Variants in WWOX observed in about 807,000 individuals in gnomAD.
WWOX encodes the protein WW domain containing oxidoreductase.
A neutral mutation model predicts 46.2 loss-of-function variants in WWOX; 69 were observed. The ratio of observed to expected loss-of-function variants is 1.49; its 90% CI spans 1.23 to 1.82. The LOEUF is 1.82. Ranked by LOEUF, WWOX falls within the 40% of genes most tolerant of loss-of-function variation. The probability of loss-of-function intolerance (pLI) is 0.00; values close to 1 mark genes in which losing one functional copy is unlikely to be tolerated. For synonymous variants in WWOX, 359 were observed against 202.6 expected (o/e 1.77, Z -6.56); for missense variants, 919 against 542.6 (o/e 1.69, Z -6.89).
intron 5 of WWOX, among the ~76,000 whole-genome samples, chr16:78,368,497 C>A (rs1487911209): frequency 1.3e-5 from 2 of 152,122 alleles, no homozygotes; most frequent in African/African-American, 4.8e-5. Context: ...CTGGGCCACC[C>A]CATAAGGCTG....
chr16:78,451,107 A>G (rs893982127), intron 8 of WWOX, among the ~76,000 whole-genome samples: 1 of 152,180 alleles, frequency 6.6e-6, no homozygotes, highest in African/African-American at 2.4e-5. Flanking sequence ...TCTCATTGCC[A>G]AGCTAAAGGC....
At chr16:78,875,917 T>G (rs2044225191) in intron 8 of WWOX, among the ~76,000 whole-genome samples, 1 of 152,218 alleles carries the variant, frequency 6.6e-6, no homozygotes, top group Admixed American at 6.5e-5. Flanking sequence ...CTGATACCAT[T>G]TAGCCTATTA....
At chr16:78,268,068 C>G (rs1257588621) in intron 5 of WWOX, among the ~76,000 whole-genome samples, 9 of 152,224 alleles carry the variant, frequency 5.9e-5, no homozygotes, top group Non-Finnish European at 1.2e-4. Flanking sequence ...ATCTGCCTGC[C>G]TTGTCATCCC....
chr16:78,195,821 C>CAAAAAAAAAAAAA (rs148609646), intron 5 of WWOX, among the ~76,000 whole-genome samples: 22 of 75,840 alleles, frequency 2.9e-4, no homozygotes, highest in East Asian at 3.9e-4. Context: ...GACTCTGCCT[C>CAAAAAAAAAAAAA]AAAAAAAAAA....
chr16:79,106,624 G>T (rs181712887), intron 8 of WWOX: 2 of 96,294 alleles, frequency 2.1e-5, no homozygotes, highest in African/African-American at 1.1e-4. Context: ...TTGGAGAACG[G>T]TCTGGTTCTG....
At chr16:79,174,624 G>A (rs1328897074) in intron 8 of WWOX, among the ~76,000 whole-genome samples, 1 of 152,160 alleles carries the variant, frequency 6.6e-6, no homozygotes, top group Non-Finnish European at 1.5e-5. Flanking sequence ...CTCCAGCCTG[G>A]GCAACAAGAG....
Position 78,131,375 on chromosome 16 carries a change from C to G in WWOX, c.409+16221C>G, listed in dbSNP as rs113126815. Reference sequence around the variant, plus strand: ...TACAGGCATGCACCACCATTCCTGGCTAATTTCTTTTGTATTTTTAATAGA... The same window carrying G: ...TACAGGCATGCACCACCATTCCTGGGTAATTTCTTTTGTATTTTTAATAGA... On this transcript the variant is annotated intron_variant, in intron 4 of 8. Coordinates refer to ENST00000566780, the MANE Select transcript of WWOX (RefSeq NM_016373.4). 8.5e-3 allele frequency among the ~76,000 whole-genome samples: 1,298 copies of G among 151,900 alleles called. 23 individuals carry two copies. The highest frequency in any genetic ancestry group is 0.03 in the African/African-American group (1,230 of 41,406).
intron 8 of WWOX, chr16:78,551,706 A>C (rs1258979661): frequency 2.8e-5 from 4 of 142,856 alleles, no homozygotes; most frequent in Admixed American, 7.3e-5. Context: ...AGGAGCGCTT[A>C]ACACCCCAGC....
chr16:78,412,503 T>A (rs770252080), intron 6 of WWOX, among the ~76,000 whole-genome samples: 1 of 151,886 alleles, frequency 6.6e-6, no homozygotes, highest in Non-Finnish European at 1.5e-5. Context: ...ATTTTAGAGA[T>A]GGAATGAAAA....
intron 1 of WWOX, among the ~76,000 whole-genome samples, chr16:78,104,231 A>AACACACACAC (rs376622174): frequency 0.025 from 3,224 of 130,168 alleles, 85 homozygotes; most frequent in African/African-American, 0.053. Flanking sequence ...CTGTGCTCAA[A>AACACACACAC]ACACACACAC....
intron 8 of WWOX, among the ~76,000 whole-genome samples, chr16:78,768,743 T>C (rs942129538): frequency 6.6e-6 from 1 of 152,212 alleles, no homozygotes; most frequent in African/African-American, 2.4e-5. Flanking sequence ...TGTTTTATGC[T>C]TTTGTGAAAT....
chr16:79,188,476 C>T (rs2051063960), intron 8 of WWOX, among the ~76,000 whole-genome samples: 1 of 152,152 alleles, frequency 6.6e-6, no homozygotes, highest in African/African-American at 2.4e-5. Context: ...ATGTCAGGAC[C>T]AGTAGGAGGT....
intron 8 of WWOX, among the ~76,000 whole-genome samples, chr16:78,650,261 C>T (rs1015593593): frequency 6.6e-6 from 1 of 152,162 alleles, no homozygotes; most frequent in Non-Finnish European, 1.5e-5. Context: ...TTCTTCAGGA[C>T]TTACTTTGAA....
chr16:78,829,490 ACT>A (rs1189137106), intron 8 of WWOX, among the ~76,000 whole-genome samples: 2 of 151,910 alleles, frequency 1.3e-5, no homozygotes, highest in Non-Finnish European at 2.9e-5. Context: ...ACAGACACAC[ACT>A]CAGAAATAAT....
At chr16:78,429,927 A>C (rs938446001) in intron 7 of WWOX, among the ~76,000 whole-genome samples, 1 of 152,198 alleles carries the variant, frequency 6.6e-6, no homozygotes, top group Admixed American at 6.5e-5. Context: ...CTCATAAAAA[A>C]GCCCACCATT....
intron 5 of WWOX, among the ~76,000 whole-genome samples, chr16:78,330,129 G>A (rs552193629): frequency 1.3e-5 from 2 of 152,158 alleles, no homozygotes; most frequent in East Asian, 1.9e-4. Flanking sequence ...ATACCTAAAT[G>A]CCTAAACGTT....
At chr16:79,119,849 C>A (rs1036138128) in intron 8 of WWOX, among the ~76,000 whole-genome samples, 3 of 152,206 alleles carry the variant, frequency 2.0e-5, no homozygotes, top group African/African-American at 7.2e-5. Flanking sequence ...AGCCAGCAAA[C>A]AAGACATAGG....
At chr16:78,465,309 A>C (rs1597123056) in intron 8 of WWOX, among the ~76,000 whole-genome samples, 1 of 152,284 alleles carries the variant, frequency 6.6e-6, no homozygotes, top group East Asian at 1.9e-4. Flanking sequence ...CTTCTTTACC[A>C]TTTCTGAATG....
At chr16:78,722,552 G>A (rs539474923) in intron 8 of WWOX, among the ~76,000 whole-genome samples, 38 of 152,210 alleles carry the variant, frequency 2.5e-4, no homozygotes, top group African/African-American at 7.5e-4. Context: ...AGTACAAAGC[G>A]AGGAGTTTTT....
Sources: allele counts gnomAD v4.1 joint callset (sites outside exome capture counted in the v4.1 genomes callset), GRCh38; gene constraint gnomAD v4.1.1; transcripts MANE v1.5; gene names NCBI Gene and HGNC (gene_info 2026-07-23, HGNC 2026-07-21).